SETBP1: variants seen among roughly 807,000 people sequenced by gnomAD.
The protein encoded by SETBP1 is SET binding protein 1.
In SETBP1, 9 loss-of-function variants were observed where a neutral mutation model predicts 101.0. The ratio of observed to expected loss-of-function variants is 0.09; its 90% CI spans 0.05 to 0.16. The LOEUF (loss-of-function observed/expected upper bound fraction) is 0.16, where lower values mean the gene tolerates loss of function less well. Ranked by LOEUF, SETBP1 falls within the 10% of genes least tolerant of loss-of-function variation. SETBP1 has a pLI of 1.00. For synonymous variants in SETBP1, 818 were observed against 788.5 expected, an observed-to-expected ratio of 1.04 and a Z score of -0.63; for missense variants, 1,858 against 2,033.8, an observed-to-expected ratio of 0.91 and a Z score of 1.66.
intron 5 of SETBP1, 139 bp from the exon 6 acceptor site, chr18:45,062,940 C>T: frequency 9.4e-7 from 1 of 1,064,788 alleles, no homozygotes; most frequent in South Asian, 1.5e-5. Flanking sequence ...AATAATGCAT[C>T]TTGGGCACGG....
rs1599057007 is a variant in SETBP1 at position 44,739,860 on chromosome 18, A to G, written c.486+38028A>G. The stretch of plus-strand genomic sequence containing the variant: ...GAAGACTTGACTCTCAAGGAGTTGC[A>G]GGATCATACGTGGGAAGTGGAGGGG... On this transcript the variant is annotated intron_variant, in intron 2 of 5. Transcript: ENST00000649279. Among the ~76,000 whole-genome samples the G allele has an allele frequency of 2.0e-5, 3 of 152,326 alleles. No homozygotes were observed. In the East Asian group the frequency reaches 5.8e-4, roughly 29 times the overall value.
chr18:45,026,940 C>T (rs1389178777), intron 4 of SETBP1, among the ~76,000 whole-genome samples: 1 of 152,124 alleles, frequency 6.6e-6, no homozygotes, highest in African/African-American at 2.4e-5. Flanking sequence ...TCTCCCTCCC[C>T]CACCACCACT....
At chr18:44,791,359 G>A (rs1353898529) in intron 2 of SETBP1, among the ~76,000 whole-genome samples, 1 of 152,122 alleles carries the variant, frequency 6.6e-6, no homozygotes, top group Non-Finnish European at 1.5e-5. Flanking sequence ...GATGGGAGAA[G>A]GACTTTTTGC....
At chr18:44,725,609 G>C (rs2069688865) in intron 2 of SETBP1, among the ~76,000 whole-genome samples, 1 of 152,126 alleles carries the variant, frequency 6.6e-6, no homozygotes, top group Admixed American at 6.5e-5. Context: ...AATTATAGGG[G>C]CATATAGCTG....
intron 1 of SETBP1, among the ~76,000 whole-genome samples, chr18:44,690,665 G>A (rs1406581200): frequency 2.6e-5 from 4 of 152,188 alleles, no homozygotes; most frequent in African/African-American, 9.7e-5. Flanking sequence ...AACTGCCCCT[G>A]TGATTTCAAC....
chr18:44,760,227 C>A (rs1019238247), intron 2 of SETBP1, among the ~76,000 whole-genome samples: 2 of 152,196 alleles, frequency 1.3e-5, no homozygotes, highest in African/African-American at 4.8e-5. Flanking sequence ...CTCACTACTT[C>A]CTTGTTGAGA....
chr18:44,889,183 T>C (rs1270115226), intron 3 of SETBP1, among the ~76,000 whole-genome samples: 1 of 152,116 alleles, frequency 6.6e-6, no homozygotes, highest in Non-Finnish European at 1.5e-5. Context: ...TTTTAGTATT[T>C]CTCTGATTCC....
At chr18:44,680,576 G>A (rs1342562901), upstream of SETBP1, among the ~76,000 whole-genome samples, 1 of 152,148 alleles carries the variant, frequency 6.6e-6, no homozygotes, top group Non-Finnish European at 1.5e-5. Context: ...CCGAGGGGGC[G>A]GGATGCCGGT....
chr18:44,950,993 T>C lies in SETBP1; in HGVS notation c.1653T>C (p.Ser551=). 6.2e-7 allele frequency: 1 copy of C among 1,614,072 alleles called. No homozygotes were observed. The highest frequency in any genetic ancestry group is 8.5e-7 in the Non-Finnish European group (1 of 1,180,036). Residue 551 remains serine, a synonymous_variant, in exon 4 of 6, where the codon TCT becomes TCC. Transcript: ENST00000649279. Reference sequence around the variant, plus strand: ...TTCGAGAGGCAGTTATGGCCACCTCTGATAAACTGATGCTGGAGCCCCCGT... The same window carrying C: ...TTCGAGAGGCAGTTATGGCCACCTCCGATAAACTGATGCTGGAGCCCCCGT... ...TMLREAVMAT[S]DKLMLEPPSA...
At chr18:44,763,098 A>G (rs2070693963) in intron 2 of SETBP1, among the ~76,000 whole-genome samples, 1 of 152,208 alleles carries the variant, frequency 6.6e-6, no homozygotes. Context: ...CATTTACAGA[A>G]GTCTTCACTG....
At chr18:44,861,229 C>CTTTTTTTT (rs775284488) in intron 2 of SETBP1, among the ~76,000 whole-genome samples, 35 of 88,352 alleles carry the variant, frequency 4.0e-4, no homozygotes, top group African/African-American at 1.4e-3. Context: ...TTTTTCTTTT[C>CTTTTTTTT]TTTTTTTTTT....
intron 5 of SETBP1, among the ~76,000 whole-genome samples, chr18:45,040,616 G>T (rs2073489843): frequency 6.6e-6 from 1 of 150,956 alleles, no homozygotes; most frequent in African/African-American, 2.4e-5. Flanking sequence ...TTCCTCCCTT[G>T]CACTCTTTCC....
rs759727343 is a variant in SETBP1 at position 44,951,678 on chromosome 18, T to G, written c.2338T>G (p.Ser780Ala). 6.2e-7 allele frequency: 1 copy of G among 1,614,162 alleles called. No individual in the cohort carries two copies. The highest frequency in any genetic ancestry group is 1.1e-5 in the South Asian group (1 of 91,080). Residue 780 changes from serine to alanine, a missense_variant, in exon 4 of 6, where the codon TCA becomes GCA. Ser to Ala is a moderately conservative substitution (Grantham distance 99). Coordinates refer to ENST00000649279, the MANE Select transcript of SETBP1 (RefSeq NM_015559.3). The surrounding 1 kb of genome is among the most constrained non-coding windows in gnomAD (Gnocchi z 7.8). ...TTCACCAGCAGCTATGCACCCACTT[T>G]CAACACAGTTAGGTGGGTCCAATGG... ...ASSPAAMHPL[S>A]TQLGGSNGNL...
Position 44,953,266 on chromosome 18 carries a change from A to G in SETBP1, c.3926A>G (p.Tyr1309Cys), listed in dbSNP as rs778118309. 3 of 1,614,024 alleles carry G rather than the reference A, an allele frequency of 1.9e-6. No homozygotes were observed. In the South Asian group the frequency reaches 3.3e-5, roughly 18 times the overall value. ...KRRSYEGFGTYREKDIQAFKM... is the reference protein window; with the variant it reads ...KRRSYEGFGTCREKDIQAFKM... ...AGGAGCTATGAAGGCTTTGGAACGT[A>G]CAGGGAAAAGGACATCCAAGCCTTC... is the stretch of plus-strand genomic sequence containing the variant. Residue 1309 changes from tyrosine (Y) to cysteine (C), a missense_variant, in exon 4 of 6, where the codon TAC becomes TGC. Coordinates refer to ENST00000649279, the MANE Select transcript of SETBP1 (RefSeq NM_015559.3).
intron 2 of SETBP1, among the ~76,000 whole-genome samples, chr18:44,859,872 C>G (rs1408282981): frequency 6.6e-6 from 1 of 152,164 alleles, no homozygotes; most frequent in Non-Finnish European, 1.5e-5. Context: ...CTGGCTTTAT[C>G]CCTTTCGGAT....
At chr18:45,012,358 A>G (rs549702343) in intron 4 of SETBP1, among the ~76,000 whole-genome samples, 1 of 152,218 alleles carries the variant, frequency 6.6e-6, no homozygotes, top group East Asian at 1.9e-4. Flanking sequence ...GGCTAGTCGG[A>G]ATAATTTCAG....
chr18:44,822,998 G>A (rs1028136648), intron 2 of SETBP1, among the ~76,000 whole-genome samples: 4 of 152,196 alleles, frequency 2.6e-5, no homozygotes, highest in South Asian at 2.1e-4. Flanking sequence ...ACATGTGGTG[G>A]TGTTAGCCTG....
chr18:44,763,817 G>A lies in SETBP1; in HGVS notation c.486+61985G>A, dbSNP rs879184288. On this transcript the variant is annotated intron_variant, in intron 2 of 5. Coordinates refer to ENST00000649279, the MANE Select transcript of SETBP1 (RefSeq NM_015559.3). ...GACACCGCTCTTTATTCTCTCCATA[G>A]CTCACTGGTTGTTCCTTTTCTGAAT... 1.3e-5 allele frequency among the ~76,000 whole-genome samples: 2 copies of A among 152,028 alleles called. 1 individual carries two copies. Among genetic ancestry groups the A allele is most frequent in the South Asian group, 4.2e-4 (2 of 4,818 alleles).
rs144465191 is a variant in SETBP1, at chr18:44,843,488, C to T, written c.487-25742C>T. ...TCTCTCCTTTCACAGGTGGGAAGAC[C>T]GAGTCTCCTCAGTTGCTCCTCTGGG... On this transcript the variant is annotated intron_variant, in intron 2 of 5. Transcript: ENST00000649279. Among the ~76,000 whole-genome samples, 286 of 152,264 alleles carry T rather than the reference C, an allele frequency of 1.9e-3. 2 individuals are homozygous for T. Among genetic ancestry groups the T allele is most frequent in the Non-Finnish European group, 3.2e-3 (216 of 68,012 alleles).
Sources: gnomAD v4.1 joint callset for allele counts (sites outside exome capture counted in the v4.1 genomes callset) on GRCh38, gnomAD v4.1.1 for gene constraint, Gnocchi (gnomAD v3.1) non-coding constraint, MANE v1.5 for transcripts, NCBI Gene and HGNC (gene_info 2026-07-23, HGNC 2026-07-21) for gene names.